Variants in FKBP5 observed in about 807,000 individuals in gnomAD.
The protein encoded by FKBP5 is FKBP prolyl isomerase 5, also known as peptidyl-prolyl cis-trans isomerase FKBP5.
A neutral mutation model predicts 50.5 loss-of-function variants in FKBP5; 23 were observed. The ratio of observed to expected loss-of-function variants is 0.46; its 90% confidence interval spans 0.33 to 0.65. The LOEUF (loss-of-function observed/expected upper bound fraction) is 0.65. Ranked by LOEUF, FKBP5 falls within the 30% of genes least tolerant of loss-of-function variation. The probability of loss-of-function intolerance (pLI) is 0.02; values close to 1 mark genes in which losing one functional copy is unlikely to be tolerated. For synonymous variants in FKBP5, 176 were observed against 190.6 expected, an observed-to-expected ratio of 0.92 and a Z score of 0.63; for missense variants, 411 against 553.1, an observed-to-expected ratio of 0.74 and a Z score of 2.58.
At chr6:35,712,713 A>G (rs1222605199) in intron 2 of FKBP5, among the ~76,000 whole-genome samples, 2 of 152,146 alleles carry the variant, frequency 1.3e-5, no homozygotes, top group African/African-American at 2.4e-5. Context: ...GCCTGGCAAC[A>G]TGCAGGGTGG....
chr6:35,683,046 T>TA (rs1237547479), intron 1 of FKBP5, among the ~76,000 whole-genome samples: 3 of 150,568 alleles, frequency 2.0e-5, no homozygotes, highest in Non-Finnish European at 3.0e-5. Context: ...ATCTTTTTCT[T>TA]AAAAAAAGTA....
At chr6:35,613,184 T>C (rs893141257) in intron 5 of FKBP5, among the ~76,000 whole-genome samples, 3 of 152,214 alleles carry the variant, frequency 2.0e-5, no homozygotes, top group Admixed American at 1.3e-4. Flanking sequence ...GTTCACTCTA[T>C]AGCCGGCTTT....
chr6:35,691,410 A>G (rs1765984329), upstream of FKBP5, among the ~76,000 whole-genome samples: 1 of 152,118 alleles, frequency 6.6e-6, no homozygotes, highest in Admixed American at 6.6e-5. Context: ...TAATTGAGGG[A>G]ACAGTGAGGA....
At chr6:35,715,901 C>T (rs948864811) in intron 2 of FKBP5, among the ~76,000 whole-genome samples, 4 of 152,094 alleles carry the variant, frequency 2.6e-5, no homozygotes, top group African/African-American at 9.7e-5. Context: ...CATTAGAAAC[C>T]CTGGGAGGGA....
At chr6:35,725,478 G>A (rs1266979340) in intron 1 of FKBP5, among the ~76,000 whole-genome samples, 1 of 152,200 alleles carries the variant, frequency 6.6e-6, no homozygotes, top group Non-Finnish European at 1.5e-5. Flanking sequence ...AGCTTTAGAG[G>A]CAGTTTCAAG....
chr6:35,630,943 T>A (rs1226425737), intron 3 of FKBP5, among the ~76,000 whole-genome samples: 2 of 152,182 alleles, frequency 1.3e-5, no homozygotes, highest in African/African-American at 4.8e-5. Flanking sequence ...CTTGTCCTTT[T>A]AAGTACAACT....
chr6:35,620,417 A>T, intron 3 of FKBP5, 143 bp from the exon 4 acceptor site: 1 of 755,552 alleles, frequency 1.3e-6, no homozygotes, highest in Non-Finnish European at 2.1e-6. Context: ...AGAGTGCTAC[A>T]TACAAATAAA....
intron 2 of FKBP5, among the ~76,000 whole-genome samples, chr6:35,640,330 T>C (rs1164187315): frequency 1.3e-5 from 2 of 152,094 alleles, no homozygotes; most frequent in Non-Finnish European, 2.9e-5. Context: ...TGTAAAACAG[T>C]GGTATTTGTG....
At chr6:35,688,388 G>A (rs930614248) in intron 1 of FKBP5, among the ~76,000 whole-genome samples, 4 of 152,074 alleles carry the variant, frequency 2.6e-5, no homozygotes, top group Admixed American at 2.6e-4. Context: ...CCGCCTGTCC[G>A]GGGAGAGCCG....
chr6:35,693,409 C>A (rs145541948), upstream of FKBP5, among the ~76,000 whole-genome samples: 6 of 151,914 alleles, frequency 3.9e-5, no homozygotes, highest in Admixed American at 6.6e-5. Flanking sequence ...CTGATCCGCC[C>A]GCCTCGGCCT....
At chr6:35,596,602 G>C (rs1581798206) in intron 6 of FKBP5, among the ~76,000 whole-genome samples, 1 of 151,906 alleles carries the variant, frequency 6.6e-6, no homozygotes, top group Admixed American at 6.6e-5. Flanking sequence ...TTCTCTCAGG[G>C]GTCTGTTTCT....
rs869253345 is a variant in FKBP5, at chr6:35,705,213, AATATATATATATATATATAT to A, written c.-20+15095_-20+15114del. ...AAATGCAAATATATATATATGTACAAATATATATATATATATATATATATATATATATATATATATATATA... is the reference window on the plus strand; with the variant it reads ...AAATGCAAATATATATATATGTACAAATATATATATATATATATATATATA... On this transcript the variant is annotated intron_variant, in intron 2 of 11. Coordinates refer to the FKBP5 transcript ENST00000536438. Among the ~76,000 whole-genome samples the A allele has an allele frequency of 9.1e-4, 65 of 71,386 alleles. 1 individual carries two copies. Among genetic ancestry groups the A allele is most frequent in the South Asian group, 8.6e-3 (16 of 1,866 alleles). The allele number at this position is 71,386 out of a possible 152,430, so 46.8% of individuals were successfully genotyped here.
At chr6:35,693,104 T>A (rs1249422577), upstream of FKBP5, among the ~76,000 whole-genome samples, 3 of 142,466 alleles carry the variant, frequency 2.1e-5, no homozygotes, top group East Asian at 2.2e-4. Flanking sequence ...AAAAATCTCA[T>A]CTTAAACCCA....
chr6:35,715,777 C>T lies in FKBP5; in HGVS notation c.-20+4551G>A, dbSNP rs976718818. Among the ~76,000 whole-genome samples the T allele has an allele frequency of 2.0e-5, 3 of 152,306 alleles. No homozygotes were observed. In the South Asian group the frequency reaches 6.2e-4, roughly 32 times the overall value. Reference sequence around the variant, plus strand: ...ATGGTAATGGGGAGCCTGTAAAGGGCTCTAAGTTACAGATGAGCCGTGTGT... The same window carrying T: ...ATGGTAATGGGGAGCCTGTAAAGGGTTCTAAGTTACAGATGAGCCGTGTGT... On this transcript the variant is annotated intron_variant, in intron 2 of 11. Transcript: ENST00000536438.
intron 8 of FKBP5, chr6:35,580,897 A>G (rs1762408565): frequency 1.0e-6 from 1 of 985,274 alleles, no homozygotes; most frequent in Non-Finnish European, 1.2e-6. Context: ...CACTAAAAAA[A>G]TGAAAAGGAA....
At chr6:35,726,811 C>T (rs1766723023) in intron 1 of FKBP5, among the ~76,000 whole-genome samples, 1 of 152,174 alleles carries the variant, frequency 6.6e-6, no homozygotes, top group South Asian at 2.1e-4. Flanking sequence ...GGTGCCAAGC[C>T]TGGCCTGTGG....
intron 3 of FKBP5, among the ~76,000 whole-genome samples, chr6:35,635,390 T>C (rs1764281042): frequency 6.6e-6 from 1 of 152,058 alleles, no homozygotes; most frequent in African/African-American, 2.4e-5. Flanking sequence ...GAGGATCACT[T>C]GAGCCTGAGA....
Position 35,577,072 on chromosome 6 carries a change from T to C in FKBP5, c.1188A>G (p.Lys396=), listed in dbSNP as rs141262636. 3 of 1,614,094 alleles carry C rather than the reference T, an allele frequency of 1.9e-6. No individual in the cohort carries two copies. Among genetic ancestry groups the C allele is most frequent in the Non-Finnish European group, 2.5e-6 (3 of 1,180,048 alleles). The change falls in exon 10 of 11, where the codon AAA becomes AAG. Residue 396 remains lysine (K), a synonymous_variant. Coordinates refer to ENST00000357266, the MANE Select transcript of FKBP5 (RefSeq NM_004117.4). The part of the protein sequence containing the change: ...AARLQISMCQ[K]KAKEHNERDR... ...CCCGCTCGTTGTGCTCCTTGGCCTT[T>C]TTCTGGCACATGGAGATCTGCAGTC...
chr6:35,592,005 C>T (rs763717051), intron 6 of FKBP5, among the ~76,000 whole-genome samples: 15 of 152,104 alleles, frequency 9.9e-5, no homozygotes, highest in Non-Finnish European at 1.9e-4. Flanking sequence ...TAAATGTATT[C>T]GGGAAGCAGA....
Sources: gnomAD v4.1 joint callset for allele counts (sites outside exome capture counted in the v4.1 genomes callset) on GRCh38, gnomAD v4.1.1 for gene constraint, MANE v1.5 for transcripts, NCBI Gene and HGNC (gene_info 2026-07-23, HGNC 2026-07-21) for gene names.